The following WDR11 variants were observed in gnomAD, a reference collection of about 807,000 sequenced individuals.
The protein encoded by WDR11 is WD repeat domain 11.
In WDR11, 83 loss-of-function variants were observed where a neutral mutation model predicts 151.2. The observed-to-expected ratio is 0.55, with a 90% confidence interval of 0.46 to 0.66. The LOEUF (loss-of-function observed/expected upper bound fraction) is 0.66. Among genes scored for constraint, WDR11 ranks in the 30% least tolerant of loss-of-function variants. The pLI is 0.00. For missense variants in WDR11, 1,301 were observed against 1,480.9 expected, an observed-to-expected ratio of 0.88 and a Z score of 1.99; for synonymous variants, 484 against 533.1, an observed-to-expected ratio of 0.91 and a Z score of 1.27.
At chr10:120,902,136 G>A (rs550334630) in intron 21 of WDR11, 121 bp from the exon 22 acceptor site, 1 of 847,660 alleles carries the variant, frequency 1.2e-6, no homozygotes, top group African/African-American at 1.7e-5. Flanking sequence ...CTTGTCTTGT[G>A]TAAATTCTAA....
At position 120,878,465 on chromosome 10, in the gene WDR11, T is replaced by G. The variant is rs746997944; in HGVS notation, c.1663+6T>G. 2.5e-6 allele frequency: 4 copies of G among 1,604,108 alleles called. No homozygotes were observed. The highest frequency in any genetic ancestry group is 3.4e-6 in the Non-Finnish European group (4 of 1,171,316). ...ACTGGTTGATCTTCCAACAGGTTTG[T>G]TTTTAAAGATCCAAATAGGTTTGTC... is the stretch of plus-strand genomic sequence containing the variant. On this transcript the variant is annotated splice_donor_region_variant and intron_variant, in intron 12 of 28. Transcript: ENST00000263461.
At chr10:120,878,308 T>C (rs1846874568) in intron 11 of WDR11, 45 bp from the exon 12 acceptor site, 1 of 1,441,002 alleles carries the variant, frequency 6.9e-7, no homozygotes, top group African/African-American at 1.4e-5. Context: ...ACCTTTCAAA[T>C]AAAAAAGAGA....
chr10:120,878,298 A>C, intron 11 of WDR11, 55 bp from the exon 12 acceptor site: 1 of 1,368,404 alleles, frequency 7.3e-7, no homozygotes, highest in Non-Finnish European at 1.0e-6. Context: ...AAATAAATGA[A>C]CCTTTCAAAT....
At chr10:120,899,284 G>A (rs1847725329) in intron 19 of WDR11, among the ~76,000 whole-genome samples, 1 of 152,112 alleles carries the variant, frequency 6.6e-6, no homozygotes, top group African/African-American at 2.4e-5. Flanking sequence ...ATCACAGGTG[G>A]CATGATCCCT....
chr10:120,906,933 T>G, intron 28 of WDR11, 78 bp downstream of exon 28: 1 of 1,589,580 alleles, frequency 6.3e-7, no homozygotes, highest in South Asian at 1.1e-5. Flanking sequence ...TTAGTTGTGC[T>G]GCCTGGACAG....
intron 19 of WDR11, chr10:120,899,731 C>T (rs1847743520): frequency 1.2e-5 from 4 of 345,418 alleles, no homozygotes; most frequent in Non-Finnish European, 1.1e-5. Flanking sequence ...TGCTGTGAGC[C>T]GAGATCGCAC....
intron 25 of WDR11, 92 bp downstream of exon 25, chr10:120,904,903 T>C (rs1050435315): frequency 2.1e-6 from 3 of 1,460,258 alleles, no homozygotes; most frequent in Non-Finnish European, 2.9e-6. Context: ...TTCTTTCTCT[T>C]TTACATATGC....
intron 7 of WDR11, 76 bp downstream of exon 7, chr10:120,865,820 C>G: frequency 2.0e-6 from 2 of 980,248 alleles, no homozygotes; most frequent in Non-Finnish European, 3.2e-6. Context: ...CAAATACCAG[C>G]CAAGGTATAT....
chr10:120,874,058 A>G, intron 11 of WDR11, 135 bp downstream of exon 11: 1 of 664,158 alleles, frequency 1.5e-6, no homozygotes, highest in Admixed American at 2.1e-5. Context: ...ATTCATGTCC[A>G]ACTAATGGCT....
chr10:120,862,645 T>C, intron 4 of WDR11, 90 bp from the exon 5 acceptor site: 1 of 1,278,204 alleles, frequency 7.8e-7, no homozygotes, highest in Non-Finnish European at 1.1e-6. Context: ...ATTAAAATTA[T>C]CACTATATTG....
Position 120,905,418 on chromosome 10 carries a change from T to C in WDR11, c.3291+2T>C. On this transcript the variant is annotated splice_donor_variant, in intron 26 of 28. Transcript: ENST00000263461. LOFTEE classifies it high-confidence loss of function. The stretch of plus-strand genomic sequence containing the variant: ...AATCGGGCTGCATGGCTGGCAAAAG[T>C]AGGTGGTTCCAAGTTTCAATAGGTG... 1.2e-6 allele frequency: 2 copies of C among 1,614,082 alleles called. No individual in the cohort carries two copies. Among genetic ancestry groups the C allele is most frequent in the Non-Finnish European group, 1.7e-6 (2 of 1,180,006 alleles).
rs1847797336 is a variant in WDR11 at position 120,901,099 on chromosome 10, G to A, written c.2687+1G>A. On this transcript the variant is annotated splice_donor_variant, in intron 21 of 28. Coordinates refer to ENST00000263461, the MANE Select transcript of WDR11 (RefSeq NM_018117.12). LOFTEE classifies it high-confidence loss of function. ...AAGAACAGTTGAATTCATTGTCTAA[G>A]TAAGCACTCCATGTTTCATTAGAAG... 1.2e-6 allele frequency: 2 copies of A among 1,605,112 alleles called. No homozygotes were observed. The highest frequency in any genetic ancestry group is 1.7e-6 in the Non-Finnish European group (2 of 1,171,976).
At chr10:120,902,367 T>G (rs1847860897) in intron 22 of WDR11, 45 bp downstream of exon 22, 1 of 1,546,106 alleles carries the variant, frequency 6.5e-7, no homozygotes, top group East Asian at 2.2e-5. Flanking sequence ...GGATTTCAAG[T>G]TAACTCATTT....
intron 9 of WDR11, among the ~76,000 whole-genome samples, chr10:120,868,127 G>T (rs1411178448): frequency 7.2e-5 from 11 of 151,808 alleles, no homozygotes; most frequent in Non-Finnish European, 1.2e-4. Flanking sequence ...GGGTTTTTTT[G>T]TTGTTGTTGA....
chr10:120,906,159 C>T (rs1848035476), intron 27 of WDR11, 138 bp downstream of exon 27: 1 of 1,548,728 alleles, frequency 6.5e-7, no homozygotes, highest in Non-Finnish European at 8.7e-7. Flanking sequence ...GTCAAAAAAC[C>T]CAAAGGAGAA....
intron 28 of WDR11, chr10:120,908,324 G>A: frequency 1.9e-6 from 1 of 539,396 alleles, no homozygotes; most frequent in Admixed American, 3.0e-5. Flanking sequence ...TTTGGACTCA[G>A]CTGGTACGAA....
chr10:120,871,683 TTA>T (rs1388039531), intron 10 of WDR11, among the ~76,000 whole-genome samples: 1 of 152,166 alleles, frequency 6.6e-6, no homozygotes, highest in Non-Finnish European at 1.5e-5. Context: ...ACCCCAGTCT[TTA>T]TGTCATGTCA....
chr10:120,862,867 G>A lies in WDR11; in HGVS notation c.659G>A (p.Gly220Asp). ...CATAACAAGCTGGCCACAGCCACAG[G>A]TGCCAAGAAAGCTCTAAATAAAGTA... ...PAHNKLATAT[G>D]AKKALNKVKI... The change falls in exon 5 of 29, where the codon GGT becomes GAT. Residue 220 changes from glycine to aspartate, a missense_variant. Coordinates refer to ENST00000263461, the MANE Select transcript of WDR11 (RefSeq NM_018117.12). 4 of 1,613,988 alleles carry A rather than the reference G, an allele frequency of 2.5e-6. 1 individual carries two copies. In the Middle Eastern group the frequency reaches 6.6e-4, roughly 266 times the overall value.
At chr10:120,882,494 G>A (rs1847046076) in intron 13 of WDR11, among the ~76,000 whole-genome samples, 1 of 150,128 alleles carries the variant, frequency 6.7e-6, no homozygotes, top group Non-Finnish European at 1.5e-5. Flanking sequence ...AAACCCATCT[G>A]AACCTAAAAT....
Sources: allele counts gnomAD v4.1 joint callset (sites outside exome capture counted in the v4.1 genomes callset), GRCh38; gene constraint gnomAD v4.1.1; transcripts MANE v1.5; gene names NCBI Gene and HGNC (gene_info 2026-07-23, HGNC 2026-07-21).